The following TMC1 variants were observed in gnomAD, a reference collection of about 807,000 sequenced individuals.
The protein encoded by TMC1 is transmembrane channel like 1.
A neutral mutation model predicts 105.8 loss-of-function variants in TMC1; 84 were observed. That is an observed-to-expected ratio of 0.79 (90% confidence interval 0.67 to 0.95). The LOEUF (loss-of-function observed/expected upper bound fraction) is 0.95. Ranked by LOEUF, TMC1 falls within the 40% of genes least tolerant of loss-of-function variation. TMC1 has a pLI of 0.00. For synonymous variants in TMC1, 315 were observed against 311.5 expected (o/e 1.01, Z -0.12); for missense variants, 817 against 914.1 (o/e 0.89, Z 1.37).
chr9:72,567,631 A>G (rs1291243412), intron 1 of TMC1, among the ~76,000 whole-genome samples: 2 of 152,118 alleles, frequency 1.3e-5, no homozygotes, highest in Admixed American at 6.6e-5. Flanking sequence ...ACTCACTATC[A>G]CAAGAACAGC....
intron 2 of TMC1, among the ~76,000 whole-genome samples, chr9:72,600,238 A>G (rs1824785263): frequency 6.6e-6 from 1 of 152,224 alleles, no homozygotes; most frequent in Non-Finnish European, 1.5e-5. Context: ...TGGCAACTTT[A>G]CCTTTAACTG....
intron 1 of TMC1, among the ~76,000 whole-genome samples, chr9:72,545,917 G>A (rs1484084885): frequency 7.9e-5 from 12 of 151,370 alleles, no homozygotes; most frequent in Admixed American, 7.3e-4. Context: ...GCTTTCAAAT[G>A]TCATCGCTCA....
At chr9:72,656,683 A>G (rs995711161) in intron 5 of TMC1, among the ~76,000 whole-genome samples, 1 of 152,186 alleles carries the variant, frequency 6.6e-6, no homozygotes, top group African/African-American at 2.4e-5. Context: ...ATCAATGAAA[A>G]TTTATAAAAG....
At chr9:72,709,816 T>A (rs532443982) in intron 8 of TMC1, among the ~76,000 whole-genome samples, 12 of 152,308 alleles carry the variant, frequency 7.9e-5, no homozygotes, top group African/African-American at 2.9e-4. Context: ...GAACCAGCTT[T>A]TTGTTCAATT....
chr9:72,616,003 C>T (rs1825120968), intron 2 of TMC1, among the ~76,000 whole-genome samples: 1 of 152,144 alleles, frequency 6.6e-6, no homozygotes, highest in African/African-American at 2.4e-5. Flanking sequence ...CGGCCCTAGC[C>T]TCCCAAAATG....
chr9:72,685,407 A>C (rs1220384682), intron 5 of TMC1, among the ~76,000 whole-genome samples: 1 of 142,564 alleles, frequency 7.0e-6, no homozygotes, highest in East Asian at 2.0e-4. Flanking sequence ...TCTGTGGCCC[A>C]GGCTGGAGAG....
At chr9:72,556,527 A>G (rs1157500664) in intron 1 of TMC1, among the ~76,000 whole-genome samples, 1 of 150,942 alleles carries the variant, frequency 6.6e-6, no homozygotes, top group Non-Finnish European at 1.5e-5. Flanking sequence ...TCTCTAAAAC[A>G]TTGGTTCTCA....
At chr9:72,717,984 T>C (rs889516614) in intron 8 of TMC1, among the ~76,000 whole-genome samples, 1 of 152,150 alleles carries the variant, frequency 6.6e-6, no homozygotes, top group Admixed American at 6.5e-5. Flanking sequence ...GCTTTATTCA[T>C]TTTTTAAAAT....
At chr9:72,760,184 T>C (rs1047084362) in intron 12 of TMC1, among the ~76,000 whole-genome samples, 1 of 152,176 alleles carries the variant, frequency 6.6e-6, no homozygotes, top group Non-Finnish European at 1.5e-5. Context: ...AAGTTCTATC[T>C]TTAGTTTTTA....
chr9:72,722,569 G>C (rs559080578), intron 8 of TMC1, among the ~76,000 whole-genome samples: 1 of 152,268 alleles, frequency 6.6e-6, no homozygotes, highest in South Asian at 2.1e-4. Flanking sequence ...CATTTCAGAA[G>C]AGATTTTGAG....
At chr9:72,576,618 C>CTTTTTTT (rs71357588) in intron 1 of TMC1, among the ~76,000 whole-genome samples, 1 of 135,148 alleles carries the variant, frequency 7.4e-6, no homozygotes, top group Non-Finnish European at 1.5e-5. Flanking sequence ...CTCCCAATTT[C>CTTTTTTT]TTTTTTTTTT....
At chr9:72,791,755 G>A (rs557182403) in intron 15 of TMC1, 131 bp from the exon 16 acceptor site, 4 of 778,464 alleles carry the variant, frequency 5.1e-6, no homozygotes, top group African/African-American at 1.7e-5. Context: ...TTCTAAACGT[G>A]CATAAAATAG....
At chr9:72,555,542 G>T (rs189122739) in intron 1 of TMC1, among the ~76,000 whole-genome samples, 1 of 152,174 alleles carries the variant, frequency 6.6e-6, no homozygotes, top group African/African-American at 2.4e-5. Flanking sequence ...ACACCCAGAT[G>T]ATGTGGATGG....
chr9:72,778,616 G>A (rs1353864485), intron 13 of TMC1, among the ~76,000 whole-genome samples: 1 of 152,176 alleles, frequency 6.6e-6, no homozygotes, highest in Non-Finnish European at 1.5e-5. Flanking sequence ...GCACAGCCAA[G>A]GACACCCATC....
At chr9:72,680,567 A>G (rs1216091584) in intron 5 of TMC1, among the ~76,000 whole-genome samples, 2 of 152,016 alleles carry the variant, frequency 1.3e-5, no homozygotes, top group Non-Finnish European at 2.9e-5. Flanking sequence ...TCTTGATGCT[A>G]TTACTATTTT....
At chr9:72,809,594 C>G (rs1046253890) in intron 18 of TMC1, among the ~76,000 whole-genome samples, 1 of 152,170 alleles carries the variant, frequency 6.6e-6, no homozygotes, top group Admixed American at 6.5e-5. Context: ...TGTAGACTTA[C>G]GTAGAGGTTG....
intron 8 of TMC1, among the ~76,000 whole-genome samples, chr9:72,710,951 C>T (rs186727769): frequency 2.0e-5 from 3 of 152,018 alleles, no homozygotes; most frequent in Admixed American, 2.0e-4. Flanking sequence ...CATCCCCAAA[C>T]AGGCCACAGT....
At chr9:72,625,702 G>GA (rs1160091167) in intron 3 of TMC1, among the ~76,000 whole-genome samples, 179 of 133,968 alleles carry the variant, frequency 1.3e-3, no homozygotes, top group South Asian at 4.7e-3. Flanking sequence ...AAAAAAAAAA[G>GA]AAAAAAAAAA....
chr9:72,581,718 TATAA>T (rs1824478104), intron 2 of TMC1, among the ~76,000 whole-genome samples: 1 of 152,268 alleles, frequency 6.6e-6, no homozygotes, highest in Admixed American at 6.5e-5. Flanking sequence ...CTCAGAAATC[TATAA>T]ATAAAACTTA....
Sources: gnomAD v4.1 joint callset for allele counts (sites outside exome capture counted in the v4.1 genomes callset) on GRCh38, gnomAD v4.1.1 for gene constraint, MANE v1.5 for transcripts, NCBI Gene and HGNC (gene_info 2026-07-23, HGNC 2026-07-21) for gene names.